The following SKAP2 variants were observed in gnomAD, a reference collection of about 807,000 sequenced individuals.
SKAP2 encodes the protein src kinase associated phosphoprotein 2, also known as src kinase-associated phosphoprotein 2.
SKAP2 carries 28 observed loss-of-function variants against 54.9 expected under a neutral mutation model. The observed-to-expected ratio is 0.51, with a 90% CI of 0.38 to 0.70. The LOEUF is 0.70. Among genes scored for constraint, SKAP2 ranks in the 30% least tolerant of loss-of-function variants. SKAP2 has a pLI of 0.00. For missense variants in SKAP2, 356 were observed against 424.1 expected, an observed-to-expected ratio of 0.84 and a Z score of 1.41; for synonymous variants, 137 against 134.3, an observed-to-expected ratio of 1.02 and a Z score of -0.14.
intron 9 of SKAP2, 24 bp from the exon 10 acceptor site, chr7:26,690,386 CA>C: frequency 6.0e-6 from 9 of 1,491,330 alleles, no homozygotes; most frequent in African/African-American, 1.4e-5. Context: ...TTATCAATGG[CA>C]CATTGAAGGG....
intron 4 of SKAP2, among the ~76,000 whole-genome samples, chr7:26,756,644 G>A (rs931043367): frequency 2.5e-4 from 38 of 152,104 alleles, no homozygotes; most frequent in Non-Finnish European, 2.4e-4. Context: ...AAACATACAC[G>A]TGCATGTGTC....
At chr7:26,665,109 C>T (rs1371243953), downstream of SKAP2, among the ~76,000 whole-genome samples, 1 of 152,140 alleles carries the variant, frequency 6.6e-6, no homozygotes, top group East Asian at 1.9e-4. Flanking sequence ...TTTTGATCTG[C>T]CCAAGGCGAC....
intron 11 of SKAP2, among the ~76,000 whole-genome samples, chr7:26,677,394 T>C (rs1178989330): frequency 1.1e-4 from 8 of 72,970 alleles, no homozygotes; most frequent in African/African-American, 4.3e-4. Flanking sequence ...TCTGTCTCAA[T>C]AAAAAAAAAA....
At chr7:26,853,372 T>A (rs917842217) in intron 3 of SKAP2, among the ~76,000 whole-genome samples, 2 of 152,118 alleles carry the variant, frequency 1.3e-5, no homozygotes, top group Admixed American at 1.3e-4. Context: ...CTGTACATCA[T>A]AACCTATGAA....
intron 4 of SKAP2, among the ~76,000 whole-genome samples, chr7:26,800,436 T>G (rs1457865986): frequency 6.6e-6 from 1 of 152,050 alleles, no homozygotes; most frequent in Non-Finnish European, 1.5e-5. Flanking sequence ...TTTCAATGCA[T>G]CTTCAAGAAC....
intron 6 of SKAP2, among the ~76,000 whole-genome samples, chr7:26,727,580 A>AG (rs1787735549): frequency 6.6e-6 from 1 of 152,196 alleles, no homozygotes; most frequent in African/African-American, 2.4e-5. Context: ...ATGTGGATAA[A>AG]GAAGAGTGGT....
intron 9 of SKAP2, among the ~76,000 whole-genome samples, chr7:26,723,355 A>T (rs1787619656): frequency 6.6e-6 from 1 of 152,146 alleles, no homozygotes; most frequent in South Asian, 2.1e-4. Flanking sequence ...GACATTCCAC[A>T]GCTGCCTACA....
intron 9 of SKAP2, among the ~76,000 whole-genome samples, chr7:26,704,728 A>G (rs1787120941): frequency 6.6e-6 from 1 of 152,200 alleles, no homozygotes; most frequent in South Asian, 2.1e-4. Context: ...AGGGGGAAGA[A>G]GGGGAGGTTA....
intron 4 of SKAP2, among the ~76,000 whole-genome samples, chr7:26,789,504 T>C (rs1205485892): frequency 6.6e-6 from 1 of 152,128 alleles, no homozygotes; most frequent in African/African-American, 2.4e-5. Flanking sequence ...GTTACAGTTA[T>C]AGAGTTATTA....
intron 6 of SKAP2, among the ~76,000 whole-genome samples, chr7:26,730,275 T>C (rs551173645): frequency 1.3e-5 from 2 of 152,208 alleles, no homozygotes; most frequent in Non-Finnish European, 2.9e-5. Flanking sequence ...GTTTCAAGGA[T>C]ACCTGTTAAC....
chr7:26,854,287 C>T (rs1785113013), intron 2 of SKAP2, 125 bp from the exon 3 acceptor site: 2 of 543,466 alleles, frequency 3.7e-6, no homozygotes, highest in Admixed American at 4.0e-5. Context: ...TAGAAAAAAA[C>T]TAATTCCTGT....
rs1478543651 is a variant in SKAP2 at position 26,854,978 on chromosome 7, A to G, written c.68-88T>C. On this transcript the variant is annotated intron_variant, in intron 1 of 12. Transcript: ENST00000345317. ...AATAGGACAATGATTGTTTCTACAT[A>G]TAAGTGTTAATACCTGTACAATTTG... is the stretch of plus-strand genomic sequence containing the variant. 5.4e-5 allele frequency: 46 copies of G among 845,996 alleles called. No homozygotes were observed. The South Asian group carries it at 6.0e-4, about 11-fold the overall frequency. The allele number at this position is 845,996 out of a possible 1,614,324, so 52.4% of individuals were successfully genotyped here.
chr7:26,750,495 G>A (rs894807043), intron 4 of SKAP2, among the ~76,000 whole-genome samples: 1 of 151,836 alleles, frequency 6.6e-6, no homozygotes, highest in Non-Finnish European at 1.5e-5. Flanking sequence ...ATCTGTAGTA[G>A]AGATGGGGTT....
chr7:26,765,035 G>C (rs532382173), intron 4 of SKAP2, among the ~76,000 whole-genome samples: 10 of 152,286 alleles, frequency 6.6e-5, no homozygotes, highest in Middle Eastern at 6.8e-3. Context: ...TCTGGTTCTA[G>C]ATCCTTGAGA....
At chr7:26,842,432 T>C (rs1252634395) in intron 4 of SKAP2, among the ~76,000 whole-genome samples, 1 of 151,832 alleles carries the variant, frequency 6.6e-6, no homozygotes, top group Non-Finnish European at 1.5e-5. Flanking sequence ...TAATTTACTT[T>C]TTCTAACAAG....
intron 9 of SKAP2, among the ~76,000 whole-genome samples, chr7:26,704,394 T>C (rs7804983): frequency 0.35 from 53,159 of 152,074 alleles, 11,257 homozygotes; most frequent in Middle Eastern, 0.51. Flanking sequence ...CCTAAGAAGA[T>C]TGATTAATCC....
At chr7:26,664,126 G>A (rs1240434544), downstream of SKAP2, among the ~76,000 whole-genome samples, 3 of 152,132 alleles carry the variant, frequency 2.0e-5, no homozygotes, top group African/African-American at 4.8e-5. Context: ...ACAGTACTGC[G>A]CAGCAGAACA....
At chr7:26,832,957 G>A (rs1054937856) in intron 4 of SKAP2, among the ~76,000 whole-genome samples, 4 of 152,152 alleles carry the variant, frequency 2.6e-5, no homozygotes, top group Admixed American at 6.5e-5. Context: ...AAAGGCTTGT[G>A]TATTCGGGCT....
chr7:26,792,512 C>A (rs1197531877), intron 4 of SKAP2, among the ~76,000 whole-genome samples: 1 of 152,074 alleles, frequency 6.6e-6, no homozygotes, highest in Non-Finnish European at 1.5e-5. Context: ...AACAAAAAAA[C>A]TTTTATTTGA....
Sources: gnomAD v4.1 joint callset for allele counts (sites outside exome capture counted in the v4.1 genomes callset) on GRCh38, gnomAD v4.1.1 for gene constraint, MANE v1.5 for transcripts, NCBI Gene and HGNC (gene_info 2026-07-23, HGNC 2026-07-21) for gene names.